Variants in PKNOX2 observed in about 807,000 individuals in gnomAD.
The protein encoded by PKNOX2 is homeobox protein PKNOX2.
A neutral mutation model predicts 53.1 loss-of-function variants in PKNOX2; 14 were observed. That is an observed-to-expected ratio of 0.26 (90% CI 0.17 to 0.41). The LOEUF (loss-of-function observed/expected upper bound fraction) is 0.41. Ranked by LOEUF, PKNOX2 falls within the 10% of genes least tolerant of loss-of-function variation. The pLI, the probability that PKNOX2 is intolerant of heterozygous loss-of-function variation, is 1.00. For missense variants in PKNOX2, 496 were observed against 602.8 expected (o/e 0.82, Z 1.85); for synonymous variants, 257 against 242.8 (o/e 1.06, Z -0.54).
intron 2 of PKNOX2, among the ~76,000 whole-genome samples, chr11:125,290,813 G>T (rs1046604959): frequency 6.6e-6 from 1 of 151,882 alleles, no homozygotes; most frequent in Non-Finnish European, 1.5e-5. Context: ...ACAGCCTTGA[G>T]AGTGGATGCC....
At chr11:125,205,826 C>T (rs1939030398) in intron 1 of PKNOX2, among the ~76,000 whole-genome samples, 1 of 152,080 alleles carries the variant, frequency 6.6e-6, no homozygotes, top group Non-Finnish European at 1.5e-5. Context: ...TAACTTCCAT[C>T]TTCAAGGACT....
intron 5 of PKNOX2, among the ~76,000 whole-genome samples, chr11:125,379,216 A>G (rs528858949): frequency 1.3e-5 from 2 of 151,730 alleles, no homozygotes; most frequent in Non-Finnish European, 2.9e-5. Flanking sequence ...ACGTGCCACC[A>G]TGTCTGGCTA....
intron 1 of PKNOX2, among the ~76,000 whole-genome samples, chr11:125,207,607 C>A (rs1441997080): frequency 6.6e-6 from 1 of 152,074 alleles, no homozygotes; most frequent in East Asian, 1.9e-4. Context: ...TGAGAGTCAG[C>A]TGAAACAAGG....
chr11:125,374,557 C>T (rs1310493324), intron 5 of PKNOX2, among the ~76,000 whole-genome samples: 1 of 152,198 alleles, frequency 6.6e-6, no homozygotes, highest in Admixed American at 6.5e-5. Flanking sequence ...CATAAGGCCT[C>T]CCGCACCAAG....
chr11:125,411,976 C>A, intron 10 of PKNOX2, 111 bp downstream of exon 10: 2 of 1,517,156 alleles, frequency 1.3e-6, no homozygotes, highest in Non-Finnish European at 9.0e-7. Flanking sequence ...GAGGGCGCGG[C>A]CTCGGGGAGA....
chr11:125,274,704 C>G (rs73621012), intron 2 of PKNOX2, among the ~76,000 whole-genome samples: 3,536 of 152,264 alleles, frequency 0.023, 136 homozygotes, highest in African/African-American at 0.079. Flanking sequence ...TTTGTCTACT[C>G]TCTTAGATGC....
intron 2 of PKNOX2, among the ~76,000 whole-genome samples, chr11:125,315,328 A>AAAAAAAAAAAAAAC (rs1201379428): frequency 1.4e-5 from 2 of 144,848 alleles, no homozygotes; most frequent in African/African-American, 5.5e-5. Context: ...AAAAAAAAAA[A>AAAAAAAAAAAAAAC]CACCTCTCTC....
chr11:125,212,440 G>A (rs1385987344), intron 1 of PKNOX2, among the ~76,000 whole-genome samples: 2 of 146,464 alleles, frequency 1.4e-5, no homozygotes, highest in Non-Finnish European at 3.0e-5. Flanking sequence ...AGAAGAATAG[G>A]AGGGGATTCT....
chr11:125,233,346 A>G (rs73617588), intron 1 of PKNOX2, among the ~76,000 whole-genome samples: 4,515 of 152,306 alleles, frequency 0.03, 210 homozygotes, highest in African/African-American at 0.1. Flanking sequence ...GAGACTTCAT[A>G]TGCCAAGTTC....
intron 1 of PKNOX2, among the ~76,000 whole-genome samples, chr11:125,193,439 C>T (rs981807745): frequency 1.3e-5 from 2 of 152,160 alleles, no homozygotes; most frequent in African/African-American, 4.8e-5. Flanking sequence ...TTTCAAGCTG[C>T]TAATTTTTCC....
Position 125,222,715 on chromosome 11 carries a change from ATGTGTG to A in PKNOX2, c.-200-12324_-200-12319del, listed in dbSNP as rs541803532. ...GTGTGTATGTGTGTGTGTGCTGTGT[ATGTGTG>A]TGTGTATGTGTGTGTGTCTGTGTCT... On this transcript the variant is annotated intron_variant, in intron 1 of 12. Transcript: ENST00000298282. 6.4e-5 allele frequency among the ~76,000 whole-genome samples: 8 copies of A among 124,266 alleles called. No homozygotes were observed. In the South Asian group the frequency reaches 1.8e-3, roughly 28 times the overall value. 81.5% of individuals were successfully genotyped at this position (124,266 alleles called of 152,430 possible). A position where few individuals can be genotyped will look rare whatever the true frequency, so the allele number is the denominator to read the frequency against.
Position 125,165,895 on chromosome 11 carries a change from C to A in PKNOX2, c.-201+1119C>A, listed in dbSNP as rs1319720903. 6.6e-6 allele frequency among the ~76,000 whole-genome samples: 1 copy of A among 152,144 alleles called. No homozygotes were observed. Among genetic ancestry groups the A allele is most frequent in the South Asian group, 2.1e-4 (1 of 4,828 alleles). Reference sequence around the variant, plus strand: ...TTTGCATTTCTTTCGGGTTAGGAGACGGGCTTTCCTGGCTCCCGATCCCCA... The same window carrying A: ...TTTGCATTTCTTTCGGGTTAGGAGAAGGGCTTTCCTGGCTCCCGATCCCCA... On this transcript the variant is annotated intron_variant, in intron 1 of 12. Coordinates refer to ENST00000298282, the MANE Select transcript of PKNOX2 (RefSeq NM_001382323.2). The surrounding 1 kb of genome is among the most constrained non-coding windows in gnomAD (Gnocchi z 4.5).
At chr11:125,224,072 G>A (rs1486684503) in intron 1 of PKNOX2, among the ~76,000 whole-genome samples, 1 of 152,230 alleles carries the variant, frequency 6.6e-6, no homozygotes, top group Non-Finnish European at 1.5e-5. Context: ...GCCCCTGGAC[G>A]CTGCTAGCTC....
chr11:125,168,080 G>A (rs1345723070), intron 1 of PKNOX2, among the ~76,000 whole-genome samples: 1 of 152,144 alleles, frequency 6.6e-6, no homozygotes, highest in Non-Finnish European at 1.5e-5. Flanking sequence ...CTGGATTTCA[G>A]GATTTCAGCC....
intron 1 of PKNOX2, among the ~76,000 whole-genome samples, chr11:125,198,066 G>A (rs936319193): frequency 2.6e-5 from 4 of 152,346 alleles, no homozygotes; most frequent in Non-Finnish European, 5.9e-5. Flanking sequence ...GAAAAGGGCT[G>A]ATGGTCCCTC....
chr11:125,385,603 A>T lies in PKNOX2; in HGVS notation c.280A>T (p.Thr94Ser). ...GCTGTTTGAGAAATGTGAACAGGCC[A>T]CCCAGGGCTCTGAGTGCATCACCTC... The part of the protein sequence containing the change: ...TLLFEKCEQA[T>S]QGSECITSAS... Residue 94 changes from threonine to serine, a missense_variant, in exon 6 of 13, where the codon ACC becomes TCC. Transcript: ENST00000298282. 1 of 1,612,852 alleles carries T rather than the reference A, an allele frequency of 6.2e-7. No homozygotes were observed. The highest frequency in any genetic ancestry group is 2.2e-5 in the East Asian group (1 of 44,772).
At chr11:125,277,554 G>C (rs1946256923) in intron 2 of PKNOX2, 1 of 152,200 alleles carries the variant, frequency 6.6e-6, no homozygotes, top group South Asian at 2.1e-4. Flanking sequence ...GCAGTGGGGT[G>C]CTCGCTTCAG....
At chr11:125,409,812 A>G (rs1276548715) in intron 7 of PKNOX2, among the ~76,000 whole-genome samples, 1 of 152,140 alleles carries the variant, frequency 6.6e-6, no homozygotes, top group Non-Finnish European at 1.5e-5. Context: ...GGATCTGATC[A>G]AGAAAAAATC....
chr11:125,206,861 A>C (rs913393001), intron 1 of PKNOX2, among the ~76,000 whole-genome samples: 2 of 151,976 alleles, frequency 1.3e-5, no homozygotes, highest in African/African-American at 4.8e-5. Flanking sequence ...TCACGTTGGC[A>C]GTATAAGAAG....
Sources: allele counts gnomAD v4.1 joint callset (sites outside exome capture counted in the v4.1 genomes callset), GRCh38; gene constraint gnomAD v4.1.1; non-coding constraint Gnocchi (gnomAD v3.1); transcripts MANE v1.5; gene names NCBI Gene and HGNC (gene_info 2026-07-23, HGNC 2026-07-21).